Variants in SGSM3 observed in about 807,000 individuals in gnomAD.
The protein encoded by SGSM3 is small G protein signaling modulator 3.
SGSM3 carries 96 observed loss-of-function variants against 100.5 expected under a neutral mutation model. The ratio of observed to expected loss-of-function variants is 0.96; its 90% confidence interval spans 0.81 to 1.13. The LOEUF is 1.13. SGSM3 is among the 50% of genes most tolerant of loss of function. SGSM3 has a pLI of 0.00. For missense variants in SGSM3, 1,001 were observed against 1,015.8 expected, an observed-to-expected ratio of 0.99 and a Z score of 0.20; for synonymous variants, 483 against 422.8, an observed-to-expected ratio of 1.14 and a Z score of -1.75.
At chr22:40,406,836 G>A in intron 10 of SGSM3, 174 bp downstream of exon 10, 1 of 852,338 alleles carries the variant, frequency 1.2e-6, no homozygotes, top group South Asian at 1.6e-5. Flanking sequence ...CAGGCTTTGT[G>A]CACCTCAGGT....
chr22:40,402,054 A>T lies in SGSM3; in HGVS notation c.91-85A>T, dbSNP rs1233010768. On this transcript the variant is annotated intron_variant, in intron 3 of 21. Coordinates refer to ENST00000248929, the MANE Select transcript of SGSM3 (RefSeq NM_015705.6). ...CCCGAAGGCTGGGTGGGATTTTAGC[A>T]GGCAACCCTGTGGGTGGCATCTTTC... 1.6e-5 allele frequency: 17 copies of T among 1,045,744 alleles called. No individual in the cohort carries two copies. The East Asian group carries it at 4.0e-4, about 25-fold the overall frequency. The allele number at this position is 1,045,744 out of a possible 1,614,324, so 64.8% of individuals were successfully genotyped here.
intron 1 of SGSM3, among the ~76,000 whole-genome samples, chr22:40,397,011 C>G (rs2050134433): frequency 6.6e-6 from 1 of 152,184 alleles, no homozygotes; most frequent in Non-Finnish European, 1.5e-5. Context: ...TTCTGCCTCT[C>G]AGTACTCCTG....
intron 1 of SGSM3, among the ~76,000 whole-genome samples, chr22:40,385,506 T>C (rs2048275133): frequency 6.6e-6 from 1 of 151,956 alleles, no homozygotes; most frequent in Non-Finnish European, 1.5e-5. Flanking sequence ...GAATTTAACG[T>C]AGGAAGGAAG....
chr22:40,400,270 CT>C (rs1276549819), intron 1 of SGSM3, among the ~76,000 whole-genome samples: 1 of 152,206 alleles, frequency 6.6e-6, no homozygotes, highest in Non-Finnish European at 1.5e-5. Flanking sequence ...GTCTTGAAAT[CT>C]TTCAACCACA....
At chr22:40,395,083 G>T (rs971772663) in intron 1 of SGSM3, among the ~76,000 whole-genome samples, 5 of 152,114 alleles carry the variant, frequency 3.3e-5, no homozygotes, top group African/African-American at 1.2e-4. Flanking sequence ...GAAATTGCAG[G>T]TTCATGAAAG....
chr22:40,384,481 TAAAAA>T (rs1021973444), intron 1 of SGSM3, among the ~76,000 whole-genome samples: 13 of 151,856 alleles, frequency 8.6e-5, no homozygotes, highest in African/African-American at 2.7e-4. Context: ...AAAAAAAAAT[TAAAAA>T]GAAATACATA....
chr22:40,378,526 C>T (rs181909129), intron 1 of SGSM3, among the ~76,000 whole-genome samples: 172 of 151,764 alleles, frequency 1.1e-3, no homozygotes, highest in Non-Finnish European at 6.9e-4. Context: ...GGTGGGAGTT[C>T]GAGACCAACC....
intron 1 of SGSM3, chr22:40,372,899 G>A (rs2045868136): frequency 6.6e-6 from 1 of 152,194 alleles, no homozygotes; most frequent in Non-Finnish European, 1.5e-5. Flanking sequence ...CTGTTATTCA[G>A]CTGGTGACGT....
chr22:40,409,229 C>A, intron 19 of SGSM3, 21 bp from the exon 20 acceptor site: 1 of 1,586,042 alleles, frequency 6.3e-7, no homozygotes, highest in South Asian at 1.1e-5. Context: ...CCCTGCTCCC[C>A]ACTCCTGGCC....
chr22:40,390,294 C>T (rs770238673), intron 1 of SGSM3: 1 of 152,196 alleles, frequency 6.6e-6, no homozygotes, highest in Non-Finnish European at 1.5e-5. Context: ...TCCCTGCCAC[C>T]TAGTTCCCCC....
chr22:40,376,896 C>T (rs970417078), intron 1 of SGSM3, among the ~76,000 whole-genome samples: 8 of 152,106 alleles, frequency 5.3e-5, no homozygotes, highest in Admixed American at 3.9e-4. Context: ...CAGTTAGCTT[C>T]GAGTTTACAA....
chr22:40,387,988 T>G (rs2048747388), intron 1 of SGSM3, among the ~76,000 whole-genome samples: 1 of 152,190 alleles, frequency 6.6e-6, no homozygotes, highest in East Asian at 1.9e-4. Flanking sequence ...GTTTCCAGTC[T>G]GTGTTCTCCC....
chr22:40,375,726 A>C (rs984851843), intron 1 of SGSM3, among the ~76,000 whole-genome samples: 1 of 151,510 alleles, frequency 6.6e-6, no homozygotes, highest in African/African-American at 2.4e-5. Flanking sequence ...CTAGATATCT[A>C]ATTAGCCTGC....
intron 1 of SGSM3, among the ~76,000 whole-genome samples, chr22:40,386,042 T>C (rs2048382703): frequency 6.6e-6 from 1 of 151,788 alleles, no homozygotes; most frequent in South Asian, 2.1e-4. Flanking sequence ...TTTTTGTTTT[T>C]TTTGTTTTTC....
At chr22:40,405,454 G>C (rs576977008) in intron 7 of SGSM3, among the ~76,000 whole-genome samples, 170 bp downstream of exon 7, 1 of 152,312 alleles carries the variant, frequency 6.6e-6, no homozygotes, top group South Asian at 2.1e-4. Context: ...GCAGCTGCAC[G>C]TTATGCAAGC....
Position 40,409,994 on chromosome 22 carries a change from T to G in SGSM3, c.*235T>G. 7.5e-7 allele frequency: 1 copy of G among 1,325,044 alleles called. No individual in the cohort carries two copies. Among genetic ancestry groups the G allele is most frequent in the Admixed American group, 3.9e-5 (1 of 25,654 alleles). The allele number at this position is 1,325,044 out of a possible 1,614,324, so 82.1% of individuals were successfully genotyped here. A position where few individuals can be genotyped will look rare whatever the true frequency, so the allele number is the denominator to read the frequency against. The stretch of plus-strand genomic sequence containing the variant: ...CAAACCACAGTTTGTACCAAAAACC[T>G]TGTGAGGAGGTGGGGGAGCCATGTC... On this transcript the variant is annotated 3_prime_UTR_variant, in exon 22 of 22. Transcript: ENST00000248929.
intron 1 of SGSM3, among the ~76,000 whole-genome samples, chr22:40,396,298 T>C (rs1369004827): frequency 6.6e-6 from 1 of 152,038 alleles, no homozygotes; most frequent in African/African-American, 2.4e-5. Flanking sequence ...CTCTTAGAAG[T>C]ATTTTTGCTC....
intron 7 of SGSM3, 134 bp from the exon 8 acceptor site, chr22:40,405,515 C>A: frequency 1.1e-6 from 1 of 928,384 alleles, no homozygotes; most frequent in Admixed American, 2.4e-5. Flanking sequence ...GGAAAGCAGC[C>A]CAGGGAAGGC....
chr22:40,395,312 T>G (rs2049898782), intron 1 of SGSM3, among the ~76,000 whole-genome samples: 1 of 152,032 alleles, frequency 6.6e-6, no homozygotes, highest in Non-Finnish European at 1.5e-5. Flanking sequence ...AGCATTTAAA[T>G]TACCCCATAA....
Sources: gnomAD v4.1 joint callset for allele counts (sites outside exome capture counted in the v4.1 genomes callset) on GRCh38, gnomAD v4.1.1 for gene constraint, MANE v1.5 for transcripts, NCBI Gene and HGNC (gene_info 2026-07-23, HGNC 2026-07-21) for gene names.